Variants in RALGAPA1 observed in about 807,000 individuals in gnomAD.
RALGAPA1 encodes the protein ral GTPase-activating protein subunit alpha-1.
A neutral mutation model predicts 269.6 loss-of-function variants in RALGAPA1; 52 were observed. The observed-to-expected ratio is 0.19, with a 90% CI of 0.15 to 0.24. The LOEUF (loss-of-function observed/expected upper bound fraction) is 0.24, where lower values mean the gene tolerates loss of function less well. RALGAPA1 is among the 10% of genes least tolerant of loss of function. The pLI is 1.00. For missense variants in RALGAPA1, 1,917 were observed against 3,013.9 expected (o/e 0.64, Z 8.52); for synonymous variants, 817 against 1,008.3 (o/e 0.81, Z 3.60).
intron 37 of RALGAPA1, among the ~76,000 whole-genome samples, chr14:35,592,643 G>T (rs1255227395): frequency 2.0e-5 from 3 of 152,128 alleles, no homozygotes; most frequent in African/African-American, 7.2e-5. Flanking sequence ...ATATCAAAAA[G>T]ATTATACACC....
chr14:35,625,172 A>T, intron 35 of RALGAPA1, among the ~76,000 whole-genome samples, 189 bp downstream of exon 35: 1 of 151,302 alleles, frequency 6.6e-6, no homozygotes, highest in East Asian at 1.9e-4. Context: ...AAAAAAAAAA[A>T]AGGCATAAAC....
intron 21 of RALGAPA1, among the ~76,000 whole-genome samples, chr14:35,678,638 C>T (rs1487114050): frequency 6.6e-6 from 1 of 152,092 alleles, no homozygotes; most frequent in Non-Finnish European, 1.5e-5. Context: ...CCTTCAGTGG[C>T]CCCTCACTGG....
At chr14:35,766,291 C>T (rs539713613) in intron 4 of RALGAPA1, 2 of 888,714 alleles carry the variant, frequency 2.3e-6, no homozygotes, top group East Asian at 4.8e-5. Flanking sequence ...GAACATGACC[C>T]TACGGATTCT....
intron 41 of RALGAPA1, among the ~76,000 whole-genome samples, chr14:35,548,278 G>C (rs1188553250): frequency 6.6e-6 from 1 of 152,076 alleles, no homozygotes; most frequent in Non-Finnish European, 1.5e-5. Flanking sequence ...TCAACCAAGG[G>C]ATTCTATTAT....
At chr14:35,775,874 A>AAT in intron 1 of RALGAPA1, 129 bp from the exon 2 acceptor site, 2 of 962,002 alleles carry the variant, frequency 2.1e-6, no homozygotes, top group Non-Finnish European at 2.8e-6. Context: ...AAATATTTAC[A>AAT]ATATATATTT....
At chr14:35,612,760 G>A (rs746443458) in intron 35 of RALGAPA1, among the ~76,000 whole-genome samples, 11 of 152,084 alleles carry the variant, frequency 7.2e-5, no homozygotes, top group Non-Finnish European at 1.2e-4. Context: ...GGATGGTCTC[G>A]ATCTCCTGAC....
chr14:35,748,565 A>T lies in RALGAPA1; in HGVS notation c.1251+20T>A. 1.9e-6 allele frequency: 3 copies of T among 1,578,298 alleles called. No individual in the cohort carries two copies. The highest frequency in any genetic ancestry group is 2.6e-6 in the Non-Finnish European group (3 of 1,164,890). ...ATAAAAGCCTTCCTTATAAATTAAA[A>T]ATACTGAGAGGTATGTTACCTGACG... On this transcript the variant is annotated intron_variant, in intron 10 of 41. Transcript: ENST00000680220.
chr14:35,646,961 T>C (rs2062471712), intron 31 of RALGAPA1, among the ~76,000 whole-genome samples: 1 of 152,196 alleles, frequency 6.6e-6, no homozygotes, highest in Non-Finnish European at 1.5e-5. Context: ...AAGAAAACAA[T>C]TCCACCATAA....
intron 17 of RALGAPA1, among the ~76,000 whole-genome samples, chr14:35,695,072 T>C (rs1484066828): frequency 1.3e-5 from 2 of 151,976 alleles, no homozygotes; most frequent in African/African-American, 2.4e-5. Context: ...ACAGCAAGAC[T>C]GTGTCTCAAA....
chr14:35,627,038 T>C (rs2061035495), intron 34 of RALGAPA1, 52 bp downstream of exon 34: 1 of 1,372,268 alleles, frequency 7.3e-7, no homozygotes, highest in African/African-American at 1.7e-5. Flanking sequence ...TATCAGAAGA[T>C]GAATAAGACC....
At chr14:35,685,943 T>A (rs750463590) in intron 19 of RALGAPA1, among the ~76,000 whole-genome samples, 17 of 152,012 alleles carry the variant, frequency 1.1e-4, no homozygotes, top group Non-Finnish European at 2.2e-4. Flanking sequence ...TTAAGCATTA[T>A]TAGGGATAAA....
chr14:35,611,087 C>A (rs549340271), intron 35 of RALGAPA1, among the ~76,000 whole-genome samples: 1 of 152,256 alleles, frequency 6.6e-6, no homozygotes, highest in South Asian at 2.1e-4. Context: ...CTATCAAAAT[C>A]CCAGCTGCCT....
At chr14:35,741,309 T>C (rs2071523277) in intron 11 of RALGAPA1, among the ~76,000 whole-genome samples, 1 of 152,198 alleles carries the variant, frequency 6.6e-6, no homozygotes, top group Admixed American at 6.5e-5. Flanking sequence ...ATAAATTTGA[T>C]ATTTTTCATT....
At chr14:35,764,257 A>G (rs1220744453) in intron 4 of RALGAPA1, among the ~76,000 whole-genome samples, 1 of 151,744 alleles carries the variant, frequency 6.6e-6, no homozygotes, top group Non-Finnish European at 1.5e-5. Flanking sequence ...GGTCTGGCTA[A>G]TTTTTGTAAT....
chr14:35,671,987 T>C (rs1318135422), intron 25 of RALGAPA1, among the ~76,000 whole-genome samples: 1 of 152,222 alleles, frequency 6.6e-6, no homozygotes, highest in Non-Finnish European at 1.5e-5. Context: ...AATCTAGACC[T>C]AGGCACTTTT....
intron 39 of RALGAPA1, among the ~76,000 whole-genome samples, chr14:35,560,665 G>GAACA (rs2056126130): frequency 6.6e-6 from 1 of 152,086 alleles, no homozygotes; most frequent in South Asian, 2.1e-4. Context: ...TTAAAACAAT[G>GAACA]TTAACAGAAA....
At chr14:35,570,887 C>A in intron 38 of RALGAPA1, 143 bp from the exon 39 acceptor site, 2 of 770,196 alleles carry the variant, frequency 2.6e-6, no homozygotes, top group Non-Finnish European at 4.0e-6. Context: ...GAATTCAATT[C>A]TTTTCTGTGA....
intron 30 of RALGAPA1, among the ~76,000 whole-genome samples, chr14:35,652,593 C>T (rs761482228): frequency 4.3e-4 from 66 of 151,846 alleles, no homozygotes; most frequent in Non-Finnish European, 7.7e-4. Context: ...TTAGTAGAGA[C>T]GGAGTTTCAA....
chr14:35,598,398 G>A (rs1236961628), intron 36 of RALGAPA1, among the ~76,000 whole-genome samples: 1 of 140,606 alleles, frequency 7.1e-6, no homozygotes, highest in Non-Finnish European at 1.5e-5. Context: ...AGTCTATATT[G>A]TTTTATATAT....
Sources: gnomAD v4.1 joint callset for allele counts (sites outside exome capture counted in the v4.1 genomes callset) on GRCh38, gnomAD v4.1.1 for gene constraint, MANE v1.5 for transcripts, NCBI Gene and HGNC (gene_info 2026-07-23, HGNC 2026-07-21) for gene names.